The following OSTN variants were observed in gnomAD, a reference collection of about 807,000 sequenced individuals.
The protein encoded by OSTN is osteocrin.
In OSTN, 9 loss-of-function variants were observed where a neutral mutation model predicts 12.0. That is an observed-to-expected ratio of 0.75 (90% confidence interval 0.45 to 1.30). OSTN has a LOEUF of 1.30. Among genes scored for constraint, OSTN ranks in the 50% most tolerant of loss-of-function variants. OSTN has a pLI of 0.00. For synonymous variants in OSTN, 59 were observed against 56.9 expected (o/e 1.04, Z -0.16); for missense variants, 148 against 152.3 (o/e 0.97, Z 0.15).
At chr3:191,247,112 T>C (rs1429390003) in intron 3 of OSTN, among the ~76,000 whole-genome samples, 2 of 152,234 alleles carry the variant, frequency 1.3e-5, no homozygotes, top group African/African-American at 4.8e-5. Context: ...ATTAAGAATC[T>C]ATATATTTAC....
At chr3:191,231,040 T>C (rs1286814711) in intron 3 of OSTN, among the ~76,000 whole-genome samples, 1 of 152,182 alleles carries the variant, frequency 6.6e-6, no homozygotes, top group Non-Finnish European at 1.5e-5. Flanking sequence ...TTTTTTATAG[T>C]TGATAATTTA....
intron 4 of OSTN, among the ~76,000 whole-genome samples, chr3:191,259,139 C>A (rs1576941687): frequency 6.6e-6 from 1 of 151,514 alleles, no homozygotes; most frequent in East Asian, 1.9e-4. Flanking sequence ...TCCTGTGGTA[C>A]CAAAAATGGC....
intron 3 of OSTN, among the ~76,000 whole-genome samples, chr3:191,233,591 T>G (rs1191135127): frequency 6.6e-6 from 1 of 152,034 alleles, no homozygotes; most frequent in Non-Finnish European, 1.5e-5. Context: ...TCTCAAGTGA[T>G]CTGCCTGCCT....
At chr3:191,255,291 G>C (rs971667863) in intron 4 of OSTN, among the ~76,000 whole-genome samples, 7 of 152,218 alleles carry the variant, frequency 4.6e-5, no homozygotes, top group African/African-American at 1.7e-4. Context: ...GTGTGGCTCA[G>C]TTCCTAACAG....
At chr3:191,223,818 A>G (rs1260221877) in intron 3 of OSTN, among the ~76,000 whole-genome samples, 1 of 152,176 alleles carries the variant, frequency 6.6e-6, no homozygotes, top group Non-Finnish European at 1.5e-5. Flanking sequence ...AAGTTTTAAA[A>G]TATGATTTAA....
At chr3:191,234,396 T>C (rs1423268842) in intron 3 of OSTN, among the ~76,000 whole-genome samples, 1 of 151,862 alleles carries the variant, frequency 6.6e-6, no homozygotes, top group Non-Finnish European at 1.5e-5. Flanking sequence ...TTCAGATGCC[T>C]TGAGAAAAGT....
At chr3:191,244,514 T>A (rs1269532568) in intron 3 of OSTN, among the ~76,000 whole-genome samples, 1 of 150,490 alleles carries the variant, frequency 6.6e-6, no homozygotes, top group Non-Finnish European at 1.5e-5. Flanking sequence ...ATATTCTCTA[T>A]CTAACATTAA....
chr3:191,221,068 C>T (rs763283396), intron 3 of OSTN, among the ~76,000 whole-genome samples: 4 of 152,086 alleles, frequency 2.6e-5, no homozygotes, highest in South Asian at 2.1e-4. Context: ...TGAGTTCTCA[C>T]GAGATCTGAT....
rs991696545 is a variant in OSTN, at chr3:191,212,551, G to T, written c.19G>T (p.Ala7Ser). 6 of 1,587,638 alleles carry T rather than the reference G, an allele frequency of 3.8e-6. No homozygotes were observed. Among genetic ancestry groups the T allele is most frequent in the Non-Finnish European group, 5.2e-6 (6 of 1,163,292 alleles). ...CCCTTAGATGCTGGACTGGAGATTG[G>T]CAAGTGCACATTTCATCCTGGCTGT... Reference protein sequence around the residue: MLDWRLASAHFILAVTL... With the variant: MLDWRLSSAHFILAVTL... The change falls in exon 2 of 5, where the codon GCA (alanine) becomes TCA (serine). Residue 7 changes from alanine to serine, a missense_variant. Ala to Ser is a moderately conservative substitution (Grantham distance 99). Transcript: ENST00000682035.
chr3:191,244,406 T>C (rs1236756298), intron 3 of OSTN, among the ~76,000 whole-genome samples: 3 of 151,648 alleles, frequency 2.0e-5, no homozygotes, highest in Admixed American at 2.0e-4. Flanking sequence ...TGGGTTGTTT[T>C]AAATGCATAT....
chr3:191,250,226 C>T (rs909212836), intron 4 of OSTN, 93 bp downstream of exon 4: 12 of 955,672 alleles, frequency 1.3e-5, no homozygotes, highest in Non-Finnish European at 1.8e-5. Flanking sequence ...ATAAATCCCC[C>T]TTTTGATTTC....
intron 4 of OSTN, among the ~76,000 whole-genome samples, chr3:191,251,711 C>T (rs1258133910): frequency 6.6e-6 from 1 of 152,206 alleles, no homozygotes; most frequent in African/African-American, 2.4e-5. Flanking sequence ...TTACTGAATA[C>T]TGCCAAGAAC....
intron 3 of OSTN, among the ~76,000 whole-genome samples, chr3:191,241,368 T>G (rs1715318483): frequency 6.6e-6 from 1 of 151,844 alleles, no homozygotes; most frequent in Non-Finnish European, 1.5e-5. Flanking sequence ...GTATTTTTAG[T>G]AGAGACGGGG....
At chr3:191,201,699 CCCA>C (rs1029604716) in intron 1 of OSTN, among the ~76,000 whole-genome samples, 2 of 151,900 alleles carry the variant, frequency 1.3e-5, no homozygotes, top group African/African-American at 4.8e-5. Context: ...ATTTTCTTCC[CCCA>C]TTCAATATTA....
intron 1 of OSTN, among the ~76,000 whole-genome samples, chr3:191,208,449 C>A (rs1369514773): frequency 6.6e-6 from 1 of 152,198 alleles, no homozygotes; most frequent in Non-Finnish European, 1.5e-5. Flanking sequence ...CATTTAGGAA[C>A]TTGGCCTTTT....
intron 4 of OSTN, among the ~76,000 whole-genome samples, chr3:191,255,543 CA>C (rs1169437309): frequency 6.6e-6 from 1 of 152,120 alleles, no homozygotes; most frequent in Non-Finnish European, 1.5e-5. Flanking sequence ...TGTTAAAAAA[CA>C]AAACATATTC....
intron 1 of OSTN, among the ~76,000 whole-genome samples, chr3:191,204,610 C>A (rs9837890): frequency 0.13 from 20,360 of 152,142 alleles, 1,569 homozygotes; most frequent in Non-Finnish European, 0.18. Context: ...AAAAAGAGAC[C>A]GCAATGGCTG....
At chr3:191,228,206 C>T (rs1293837615) in intron 3 of OSTN, among the ~76,000 whole-genome samples, 2 of 152,104 alleles carry the variant, frequency 1.3e-5, no homozygotes, top group Non-Finnish European at 2.9e-5. Flanking sequence ...TAATAAGCTT[C>T]CTTGCTATCA....
intron 4 of OSTN, among the ~76,000 whole-genome samples, chr3:191,250,590 A>T (rs1715541557): frequency 1.3e-5 from 2 of 152,328 alleles, no homozygotes; most frequent in African/African-American, 4.8e-5. Context: ...CAGCAGAAAG[A>T]GCATTAGCCA....
Sources: allele counts gnomAD v4.1 joint callset (sites outside exome capture counted in the v4.1 genomes callset), GRCh38; gene constraint gnomAD v4.1.1; transcripts MANE v1.5; gene names NCBI Gene and HGNC (gene_info 2026-07-23, HGNC 2026-07-21).